The following PPM1H variants were observed in gnomAD, a reference collection of about 807,000 sequenced individuals.
The protein encoded by PPM1H is protein phosphatase, Mg2+/Mn2+ dependent 1H.
PPM1H carries 27 observed loss-of-function variants against 54.9 expected under a neutral mutation model. The observed-to-expected ratio is 0.49, with a 90% CI of 0.36 to 0.68. The LOEUF (loss-of-function observed/expected upper bound fraction) is 0.68, where lower values mean the gene tolerates loss of function less well. PPM1H is among the 30% of genes least tolerant of loss of function. The pLI is 0.00. For synonymous variants in PPM1H, 305 were observed against 270.8 expected, an observed-to-expected ratio of 1.13 and a Z score of -1.24; for missense variants, 596 against 667.8, an observed-to-expected ratio of 0.89 and a Z score of 1.19.
chr12:62,689,935 C>T, intron 7 of PPM1H, 129 bp from the exon 8 acceptor site: 2 of 582,898 alleles, frequency 3.4e-6, no homozygotes, highest in African/African-American at 1.9e-5. Flanking sequence ...GTTTCCAGGC[C>T]CCTTGCTGCT....
chr12:62,786,039 A>C (rs2076668822), intron 4 of PPM1H, among the ~76,000 whole-genome samples: 1 of 152,154 alleles, frequency 6.6e-6, no homozygotes, highest in African/African-American at 2.4e-5. Flanking sequence ...GCACTCAGTC[A>C]CTTCCTTAGT....
intron 1 of PPM1H, among the ~76,000 whole-genome samples, chr12:62,852,499 T>G (rs897592197): frequency 1.3e-5 from 2 of 152,198 alleles, no homozygotes; most frequent in Non-Finnish European, 2.9e-5. Context: ...CCACTCAGTC[T>G]GCGATACTTT....
intron 4 of PPM1H, among the ~76,000 whole-genome samples, chr12:62,768,318 G>A (rs959364425): frequency 3.3e-5 from 5 of 152,108 alleles, no homozygotes; most frequent in Admixed American, 1.3e-4. Flanking sequence ...TATCATGAGG[G>A]GGAAATGCAG....
intron 6 of PPM1H, among the ~76,000 whole-genome samples, chr12:62,713,502 C>G (rs988222481): frequency 6.6e-6 from 1 of 152,128 alleles, no homozygotes; most frequent in Non-Finnish European, 1.5e-5. Context: ...AAAGTGACTA[C>G]TGGCTATGAA....
intron 9 of PPM1H, among the ~76,000 whole-genome samples, chr12:62,655,571 G>A (rs1014142171): frequency 6.6e-6 from 1 of 152,194 alleles, no homozygotes; most frequent in Non-Finnish European, 1.5e-5. Flanking sequence ...GTAGAAAGTA[G>A]TAGAAGAAAA....
At chr12:62,714,081 A>G (rs1460508752) in intron 6 of PPM1H, among the ~76,000 whole-genome samples, 6 of 152,196 alleles carry the variant, frequency 3.9e-5, no homozygotes, top group Admixed American at 1.3e-4. Flanking sequence ...CTCTTCTACT[A>G]TGTAGACCAC....
intron 1 of PPM1H, among the ~76,000 whole-genome samples, chr12:62,872,486 T>C (rs1870021330): frequency 1.3e-5 from 2 of 152,210 alleles, no homozygotes; most frequent in Admixed American, 6.5e-5. Context: ...TAACTTCTGG[T>C]ATGGCTTAAA....
At chr12:62,708,270 T>C (rs2076186474) in intron 6 of PPM1H, among the ~76,000 whole-genome samples, 1 of 152,184 alleles carries the variant, frequency 6.6e-6, no homozygotes, top group Admixed American at 6.5e-5. Flanking sequence ...TAGGATGAGA[T>C]TTTTCAGGGT....
intron 9 of PPM1H, 75 bp from the exon 10 acceptor site, chr12:62,648,711 G>C: frequency 6.7e-7 from 1 of 1,497,844 alleles, no homozygotes; most frequent in South Asian, 1.2e-5. Context: ...GGCTGGGAAG[G>C]GGGAGGCATC....
intron 8 of PPM1H, among the ~76,000 whole-genome samples, chr12:62,676,338 C>T (rs1361172050): frequency 6.6e-6 from 1 of 152,208 alleles, no homozygotes; most frequent in Non-Finnish European, 1.5e-5. Context: ...TGCAAAGATG[C>T]TGGCTGTAGC....
At chr12:62,773,025 G>T (rs1443224819) in intron 4 of PPM1H, among the ~76,000 whole-genome samples, 1 of 152,186 alleles carries the variant, frequency 6.6e-6, no homozygotes, top group East Asian at 1.9e-4. Flanking sequence ...GCGCGCGCTT[G>T]TAGTTCCAGC....
intron 1 of PPM1H, among the ~76,000 whole-genome samples, chr12:62,907,758 C>T (rs774354921): frequency 1.6e-4 from 24 of 152,134 alleles, no homozygotes; most frequent in Admixed American, 2.6e-4. Context: ...TAGTCACACA[C>T]GTGTGACAAG....
chr12:62,808,503 T>C (rs2076818369), intron 2 of PPM1H, among the ~76,000 whole-genome samples: 1 of 152,094 alleles, frequency 6.6e-6, no homozygotes. Flanking sequence ...TTTTCTTTTA[T>C]GAGTCTAACA....
intron 4 of PPM1H, among the ~76,000 whole-genome samples, chr12:62,784,170 G>T (rs530106284): frequency 6.6e-6 from 1 of 152,280 alleles, no homozygotes; most frequent in Non-Finnish European, 1.5e-5. Context: ...TGCCTCTGTG[G>T]CTGGTTAGCT....
intron 4 of PPM1H, among the ~76,000 whole-genome samples, chr12:62,784,746 T>C (rs1295358368): frequency 6.6e-6 from 1 of 152,222 alleles, no homozygotes; most frequent in Non-Finnish European, 1.5e-5. Flanking sequence ...TAACTGAATA[T>C]TTCTGTAAGC....
chr12:62,890,575 GGTAA>G (rs1471732284), intron 1 of PPM1H, among the ~76,000 whole-genome samples: 1 of 151,900 alleles, frequency 6.6e-6, no homozygotes, highest in Non-Finnish European at 1.5e-5. Context: ...AAGAATTGAG[GGTAA>G]GTTTTAGCAG....
intron 9 of PPM1H, among the ~76,000 whole-genome samples, chr12:62,659,866 G>A (rs939912715): frequency 6.6e-6 from 1 of 152,124 alleles, no homozygotes; most frequent in African/African-American, 2.4e-5. Context: ...TTCCCACCCT[G>A]GGGAGAACTT....
chr12:62,738,468 C>T lies in PPM1H; in HGVS notation c.870-882G>A, dbSNP rs530056835. Reference sequence around the variant, plus strand: ...CAGTCAAGGACTTTTGAGGGAACGGCGTTCCCCAAAGCAGATGTCTATAGG... The same window carrying T: ...CAGTCAAGGACTTTTGAGGGAACGGTGTTCCCCAAAGCAGATGTCTATAGG... On this transcript the variant is annotated intron_variant, in intron 4 of 9. Coordinates refer to ENST00000228705, the MANE Select transcript of PPM1H (RefSeq NM_020700.2). 9.3e-4 allele frequency among the ~76,000 whole-genome samples: 142 copies of T among 152,180 alleles called. 1 individual carries two copies. The highest frequency in any genetic ancestry group is 3.3e-3 in the African/African-American group (135 of 41,530).
chr12:62,696,956 G>T (rs1222868455), intron 6 of PPM1H, among the ~76,000 whole-genome samples: 1 of 152,166 alleles, frequency 6.6e-6, no homozygotes, highest in African/African-American at 2.4e-5. Flanking sequence ...CTCTCTTCGG[G>T]TGACCAGCTG....
Sources: gnomAD v4.1 joint callset for allele counts (sites outside exome capture counted in the v4.1 genomes callset) on GRCh38, gnomAD v4.1.1 for gene constraint, MANE v1.5 for transcripts, NCBI Gene and HGNC (gene_info 2026-07-23, HGNC 2026-07-21) for gene names.